PIP5K1B: variants seen among roughly 807,000 people sequenced by gnomAD.
The protein encoded by PIP5K1B is phosphatidylinositol 4-phosphate 5-kinase type-1 beta.
In PIP5K1B, 42 loss-of-function variants were observed where a neutral mutation model predicts 67.0. The ratio of observed to expected loss-of-function variants is 0.63; its 90% CI spans 0.49 to 0.81. PIP5K1B has a LOEUF of 0.81. Among genes scored for constraint, PIP5K1B ranks in the 30% least tolerant of loss-of-function variants. The pLI, the probability that PIP5K1B is intolerant of heterozygous loss-of-function variation, is 0.00. For missense variants in PIP5K1B, 459 were observed against 646.3 expected (o/e 0.71, Z 3.14); for synonymous variants, 214 against 231.4 (o/e 0.92, Z 0.68).
chr9:68,986,196 A>C (rs1051744474), intron 14 of PIP5K1B, among the ~76,000 whole-genome samples: 120 of 152,352 alleles, frequency 7.9e-4, no homozygotes, highest in African/African-American at 2.7e-3. Context: ...TTTATCAAAT[A>C]CATTCCCATC....
intron 4 of PIP5K1B, among the ~76,000 whole-genome samples, chr9:68,851,046 C>G (rs763351793): frequency 1.4e-4 from 21 of 152,134 alleles, no homozygotes; most frequent in Non-Finnish European, 2.4e-4. Context: ...TTTGATGCTG[C>G]TGTATTATGA....
At chr9:68,862,551 T>C (rs1315342662) in intron 4 of PIP5K1B, among the ~76,000 whole-genome samples, 2 of 152,048 alleles carry the variant, frequency 1.3e-5, no homozygotes, top group African/African-American at 4.8e-5. Flanking sequence ...CACAGCACTT[T>C]GGGGCTGAGG....
Position 68,778,415 on chromosome 9 carries a change from C to T in PIP5K1B, c.-86+35758C>T, listed in dbSNP as rs541633584. On this transcript the variant is annotated intron_variant, in intron 2 of 15. Transcript: ENST00000265382. ...ACAACTCTAAATGTGCTATTTTCCT[C>T]TCTCAGTAAATAATACTACCATCTC... 2.0e-5 allele frequency among the ~76,000 whole-genome samples: 3 copies of T among 152,178 alleles called. No homozygotes were observed. In the South Asian group the frequency reaches 6.2e-4, roughly 32 times the overall value.
chr9:68,807,996 G>A (rs1316934614), intron 2 of PIP5K1B, among the ~76,000 whole-genome samples: 4 of 152,124 alleles, frequency 2.6e-5, no homozygotes, highest in Non-Finnish European at 5.9e-5. Flanking sequence ...TCAGGAGTTC[G>A]AGACCAGCTT....
At chr9:68,950,785 G>A (rs565833406) in intron 14 of PIP5K1B, among the ~76,000 whole-genome samples, 18 of 152,318 alleles carry the variant, frequency 1.2e-4, no homozygotes, top group South Asian at 2.1e-4. Flanking sequence ...AGTTGGTCCC[G>A]ACATCCTCTG....
intron 2 of PIP5K1B, among the ~76,000 whole-genome samples, chr9:68,787,624 T>G (rs897962942): frequency 6.6e-6 from 1 of 150,978 alleles, no homozygotes; most frequent in African/African-American, 2.4e-5. Context: ...CAATTTTTCT[T>G]TCTAATCTTT....
At chr9:68,879,899 T>C (rs1824092278) in intron 6 of PIP5K1B, among the ~76,000 whole-genome samples, 1 of 152,232 alleles carries the variant, frequency 6.6e-6, no homozygotes, top group African/African-American at 2.4e-5. Context: ...ATTAGCTTAA[T>C]TGAGCCATTC....
chr9:68,878,331 C>G (rs1437114108), intron 6 of PIP5K1B, among the ~76,000 whole-genome samples: 2 of 152,120 alleles, frequency 1.3e-5, no homozygotes, highest in Non-Finnish European at 2.9e-5. Flanking sequence ...TATCCATTGC[C>G]CCAAAGGCTG....
intron 8 of PIP5K1B, among the ~76,000 whole-genome samples, chr9:68,898,090 G>T (rs1048476130): frequency 1.5e-4 from 23 of 152,102 alleles, no homozygotes; most frequent in African/African-American, 4.3e-4. Flanking sequence ...CCCAGTCCCA[G>T]ACCCCTGTGT....
At chr9:68,894,929 C>T (rs551600401) in intron 8 of PIP5K1B, among the ~76,000 whole-genome samples, 9 of 152,062 alleles carry the variant, frequency 5.9e-5, no homozygotes, top group Admixed American at 2.0e-4. Context: ...TTTCTTTCTC[C>T]GCTGTGGGGA....
intron 14 of PIP5K1B, among the ~76,000 whole-genome samples, chr9:68,968,156 G>A (rs1829137487): frequency 6.6e-6 from 1 of 152,160 alleles, no homozygotes. Flanking sequence ...TCTATATAAA[G>A]TGGAATCATA....
chr9:68,862,360 A>G (rs991802222), intron 4 of PIP5K1B, among the ~76,000 whole-genome samples: 2 of 152,212 alleles, frequency 1.3e-5, no homozygotes, highest in Non-Finnish European at 2.9e-5. Flanking sequence ...TAGAAACAGT[A>G]TTTAAGTCAT....
rs559524168 is a variant in PIP5K1B at position 68,896,828 on chromosome 9, A to G, written c.771+2190A>G. 3.3e-3 allele frequency among the ~76,000 whole-genome samples: 507 copies of G among 152,306 alleles called. 2 individuals are homozygous for G. Among genetic ancestry groups the G allele is most frequent in the African/African-American group, 0.011 (473 of 41,560 alleles). ...TGGTGAATATTAATATTTAATAGTC[A>G]AGGGCCTCTTAGTAAATCGTATGAA... On this transcript the variant is annotated intron_variant, in intron 8 of 15. Coordinates refer to ENST00000265382, the MANE Select transcript of PIP5K1B (RefSeq NM_003558.4).
intron 2 of PIP5K1B, among the ~76,000 whole-genome samples, chr9:68,764,786 C>T (rs886760555): frequency 6.6e-6 from 1 of 152,020 alleles, no homozygotes; most frequent in African/African-American, 2.4e-5. Context: ...ATTCTGTGGT[C>T]TCTTAACCAT....
chr9:68,717,215 G>A (rs1335045550), intron 1 of PIP5K1B, among the ~76,000 whole-genome samples: 1 of 152,180 alleles, frequency 6.6e-6, no homozygotes, highest in African/African-American at 2.4e-5. Context: ...AAACCTGCAT[G>A]TGTAACCCCT....
intron 1 of PIP5K1B, among the ~76,000 whole-genome samples, chr9:68,709,452 G>C (rs1008888042): frequency 6.6e-6 from 1 of 152,102 alleles, no homozygotes; most frequent in Admixed American, 6.5e-5. Context: ...AGGCTGGTCT[G>C]TAACTCGTGG....
intron 2 of PIP5K1B, among the ~76,000 whole-genome samples, chr9:68,754,237 T>C (rs974064101): frequency 2.8e-5 from 4 of 141,614 alleles, no homozygotes; most frequent in Non-Finnish European, 4.5e-5. Context: ...TGGCGCGATC[T>C]TGGCTCACTG....
chr9:68,835,317 T>A (rs1287061200), intron 4 of PIP5K1B, among the ~76,000 whole-genome samples: 2 of 152,196 alleles, frequency 1.3e-5, no homozygotes, highest in Non-Finnish European at 2.9e-5. Flanking sequence ...TCACCAGCAG[T>A]GGACTGAGAA....
intron 1 of PIP5K1B, among the ~76,000 whole-genome samples, chr9:68,733,903 G>T (rs1001960335): frequency 1.3e-5 from 2 of 152,092 alleles, no homozygotes; most frequent in Non-Finnish European, 2.9e-5. Context: ...CTCCCAACGT[G>T]CTGGGATTAC....
Sources: gnomAD v4.1 joint callset for allele counts (sites outside exome capture counted in the v4.1 genomes callset) on GRCh38, gnomAD v4.1.1 for gene constraint, MANE v1.5 for transcripts, NCBI Gene and HGNC (gene_info 2026-07-23, HGNC 2026-07-21) for gene names.